Variants in PRDM11 observed in about 807,000 individuals in gnomAD.
PRDM11 encodes PR domain-containing protein 11.
PRDM11 carries 20 observed loss-of-function variants against 97.8 expected under a neutral mutation model. That is an observed-to-expected ratio of 0.20 (90% confidence interval 0.14 to 0.30). The LOEUF is 0.30. Among genes scored for constraint, PRDM11 ranks in the 10% least tolerant of loss-of-function variants. The pLI is 1.00. For missense variants in PRDM11, 1,139 were observed against 1,555.2 expected, an observed-to-expected ratio of 0.73 and a Z score of 4.50; for synonymous variants, 599 against 637.7, an observed-to-expected ratio of 0.94 and a Z score of 0.91.
chr11:45,124,622 T>G (rs1378527478), intron 1 of PRDM11, among the ~76,000 whole-genome samples: 1 of 152,228 alleles, frequency 6.6e-6, no homozygotes, highest in Non-Finnish European at 1.5e-5. Flanking sequence ...TTTAGTTCTG[T>G]TTATATGCTG....
At chr11:45,193,805 A>G (rs548401037) in intron 4 of PRDM11, among the ~76,000 whole-genome samples, 2 of 152,188 alleles carry the variant, frequency 1.3e-5, no homozygotes, top group East Asian at 3.9e-4. Context: ...CTACTTGTGT[A>G]TCTGCTGGTT....
chr11:45,111,293 C>T lies in PRDM11; in HGVS notation c.96+15392C>T, dbSNP rs1852173327. ...CCCTATTTTTGGTTCTTGATATTTA[C>T]TCGTCTTCTTTGCCATCTCTGGACT... On this transcript the variant is annotated intron_variant, in intron 1 of 6. Coordinates refer to the PRDM11 transcript ENST00000530656. Among the ~76,000 whole-genome samples, 4 of 56,796 alleles carry T rather than the reference C, an allele frequency of 7.0e-5. 1 individual carries two copies. The highest frequency in any genetic ancestry group is 6.8e-4 in the Admixed American group (4 of 5,916). 37.3% of individuals were successfully genotyped at this position (56,796 alleles called of 152,430 possible).
At chr11:45,223,820 C>G (rs1344497908) in intron 6 of PRDM11, among the ~76,000 whole-genome samples, 1 of 152,156 alleles carries the variant, frequency 6.6e-6, no homozygotes, top group African/African-American at 2.4e-5. Context: ...TGAGGGGAAG[C>G]TGCAAAGGTT....
chr11:45,204,717 G>A lies in PRDM11; in HGVS notation c.493G>A (p.Asp165Asn), dbSNP rs896984710. The part of the protein sequence containing the change: ...SAGFFSWLIV[D>N]KNNRYKSIDG... The stretch of plus-strand genomic sequence containing the variant: ...CTCTTTCTCTTTCTTCCAGATTGTG[G>A]ACAAGAACAACCGCTATAAGTCCAT... Residue 165 changes from aspartate to asparagine, a missense_variant, in exon 5 of 8, where the codon GAC (aspartate) becomes AAC (asparagine). Physicochemically the swap from Asp to Asn is conservative, Grantham distance 23 (BLOSUM62 1). Transcript: ENST00000683152. 6.2e-7 allele frequency: 1 copy of A among 1,611,718 alleles called. No homozygotes were observed. Among genetic ancestry groups the A allele is most frequent in the Non-Finnish European group, 8.5e-7 (1 of 1,177,972 alleles).
chr11:45,211,581 CAG>C (rs1434609639), intron 5 of PRDM11, among the ~76,000 whole-genome samples: 1 of 152,020 alleles, frequency 6.6e-6, no homozygotes, highest in Non-Finnish European at 1.5e-5. Flanking sequence ...CCTTGGGGGA[CAG>C]GGGGACAGCA....
At chr11:45,169,545 G>A (rs1852151837) in intron 1 of PRDM11, among the ~76,000 whole-genome samples, 1 of 152,198 alleles carries the variant, frequency 6.6e-6, no homozygotes, top group Non-Finnish European at 1.5e-5. Context: ...CCAAGTAGGT[G>A]CTATTAACCC....
intron 1 of PRDM11, among the ~76,000 whole-genome samples, chr11:45,154,727 C>T (rs1851748466): frequency 6.6e-6 from 1 of 152,214 alleles, no homozygotes; most frequent in Admixed American, 6.5e-5. Context: ...CCCAACTGCA[C>T]CTTCTCCCGA....
intron 1 of PRDM11, among the ~76,000 whole-genome samples, chr11:45,139,195 A>G (rs183801632): frequency 2.6e-5 from 4 of 152,224 alleles, no homozygotes; most frequent in Non-Finnish European, 4.4e-5. Context: ...TCGGGGAAAC[A>G]AGCAGGCTCA....
chr11:45,134,308 C>T (rs1396234937), intron 1 of PRDM11, among the ~76,000 whole-genome samples: 4 of 152,126 alleles, frequency 2.6e-5, no homozygotes, highest in African/African-American at 7.2e-5. Context: ...GACTCATAAG[C>T]GTACTCCCCG....
At chr11:45,153,711 C>T (rs1851718829) in intron 1 of PRDM11, among the ~76,000 whole-genome samples, 1 of 152,236 alleles carries the variant, frequency 6.6e-6, no homozygotes, top group Admixed American at 6.5e-5. Context: ...AGTTTCCTTT[C>T]TGTAAATGGA....
intron 2 of PRDM11, 78 bp from the exon 3 acceptor site, chr11:45,182,168 T>C: frequency 7.7e-7 from 1 of 1,294,356 alleles, no homozygotes. Flanking sequence ...CCTGGCCAGG[T>C]CCCCAGCTTT....
intron 5 of PRDM11, among the ~76,000 whole-genome samples, chr11:45,207,767 C>A (rs1853569459): frequency 6.6e-6 from 1 of 152,180 alleles, no homozygotes; most frequent in African/African-American, 2.4e-5. Flanking sequence ...AGGCCCCCAG[C>A]CTTCTTCCCA....
intron 1 of PRDM11, among the ~76,000 whole-genome samples, chr11:45,139,265 G>C (rs1320220500): frequency 1.3e-5 from 2 of 152,134 alleles, no homozygotes; most frequent in African/African-American, 2.4e-5. Context: ...TGGGCAAAAT[G>C]TTTTAGGACA....
Position 45,224,783 on chromosome 11 carries a change from C to A in PRDM11, c.1309C>A (p.Pro437Thr), listed in dbSNP as rs1221005777. ...AGACATGCTTAAGTCTGGGAAACTT[C>A]CTGAGCCCCCCGTATTGCCACCACA... ...ELDMLKSGKL[P>T]EPPVLPPQVL... The change falls in exon 7 of 8, where the codon CCT (proline) becomes ACT (threonine). Residue 437 changes from proline to threonine, a missense_variant. This residue lies in a region of PRDM11 where 710 missense variants were observed against 1,044.9 expected (regional missense o/e 0.68). Coordinates refer to ENST00000683152, the MANE Select transcript of PRDM11 (RefSeq NM_001384648.1). 1 of 1,614,124 alleles carries A rather than the reference C, an allele frequency of 6.2e-7. No individual in the cohort carries two copies. Among genetic ancestry groups the A allele is most frequent in the African/African-American group, 1.3e-5 (1 of 74,934 alleles).
At chr11:45,120,263 C>T (rs986342164) in intron 1 of PRDM11, among the ~76,000 whole-genome samples, 1 of 152,128 alleles carries the variant, frequency 6.6e-6, no homozygotes, top group Admixed American at 6.5e-5. Flanking sequence ...CTAACATACA[C>T]ATATGTGGAG....
Position 45,227,725 on chromosome 11 carries a change from C to A in PRDM11, c.3100C>A (p.Arg1034=). Residue 1034 remains arginine (R), a synonymous_variant, in exon 8 of 8, where the codon CGG becomes AGG. Coordinates refer to ENST00000683152, the MANE Select transcript of PRDM11 (RefSeq NM_001384648.1). This position sits in a 1 kb window ranked among gnomAD's most constrained non-coding sequence, Gnocchi z 8.0. ...RDVCREGLDP[R]GSLLMEWREL... is the part of the protein sequence containing the mutation. ...TGTCTGTAGGGAAGGGCTGGACCCCCGGGGTAGTCTGTTGATGGAGTGGCG... is the reference window on the plus strand; with the variant it reads ...TGTCTGTAGGGAAGGGCTGGACCCCAGGGGTAGTCTGTTGATGGAGTGGCG... 1 of 1,533,878 alleles carries A rather than the reference C, an allele frequency of 6.5e-7. No homozygotes were observed. The highest frequency in any genetic ancestry group is 8.7e-7 in the Non-Finnish European group (1 of 1,146,714).
At chr11:45,103,416 C>T (rs1194799363) in intron 1 of PRDM11, among the ~76,000 whole-genome samples, 2 of 152,040 alleles carry the variant, frequency 1.3e-5, no homozygotes. Context: ...ACTTGTATAG[C>T]CTATATGGAT....
chr11:45,207,080 CATCTT>C (rs752892221), intron 5 of PRDM11, among the ~76,000 whole-genome samples: 39 of 152,298 alleles, frequency 2.6e-4, no homozygotes, highest in Middle Eastern at 3.4e-3. Flanking sequence ...GGTGGGCTCT[CATCTT>C]ATGACCACTC....
At chr11:45,196,215 G>A (rs549648918) in intron 4 of PRDM11, among the ~76,000 whole-genome samples, 28 of 152,246 alleles carry the variant, frequency 1.8e-4, no homozygotes, top group Admixed American at 6.5e-5. Context: ...CCTAGTGGAT[G>A]TGAAGTGATA....
Sources: gnomAD v4.1 joint callset for allele counts (sites outside exome capture counted in the v4.1 genomes callset) on GRCh38, gnomAD v4.1.1 for gene constraint, gnomAD v4.1.1 regional missense constraint, Gnocchi (gnomAD v3.1) non-coding constraint, MANE v1.5 for transcripts, NCBI Gene and HGNC (gene_info 2026-07-23, HGNC 2026-07-21) for gene names.